Variants in CDC14B observed in about 807,000 individuals in gnomAD.
CDC14B encodes cell division cycle 14B.
In CDC14B, 22 loss-of-function variants were observed where a neutral mutation model predicts 64.2. That is an observed-to-expected ratio of 0.34 (90% CI 0.24 to 0.49). The LOEUF (loss-of-function observed/expected upper bound fraction) is 0.49, where lower values mean the gene tolerates loss of function less well. CDC14B is among the 20% of genes least tolerant of loss of function. CDC14B has a pLI of 0.99. For missense variants in CDC14B, 498 were observed against 629.9 expected (o/e 0.79, Z 2.24); for synonymous variants, 191 against 215.8 (o/e 0.89, Z 1.01).
intron 5 of CDC14B, among the ~76,000 whole-genome samples, chr9:96,551,556 G>C (rs1375889132): frequency 6.6e-6 from 1 of 152,106 alleles, no homozygotes; most frequent in Non-Finnish European, 1.5e-5. Flanking sequence ...TGGGTGTGGG[G>C]ATTTTACCAG....
rs889542872 is a variant in CDC14B at position 96,619,659 on chromosome 9, C to G, written c.-281G>C. ...CCTGCCGCGGCCGGCGCCCCCAGCC[C>G]GCCCCCAGGTGCCCGCAGCCGGCTG... On this transcript the variant is annotated 5_prime_UTR_variant, in exon 1 of 14. Coordinates refer to ENST00000375241, the MANE Select transcript of CDC14B (RefSeq NM_033331.4). 1 of 147,822 alleles carries G rather than the reference C, an allele frequency of 6.8e-6. No homozygotes were observed. Among genetic ancestry groups the G allele is most frequent in the Non-Finnish European group, 1.5e-5 (1 of 66,426 alleles). 9.2% of individuals were successfully genotyped at this position (147,822 alleles called of 1,614,324 possible).
chr9:96,619,144 C>T, intron 1 of CDC14B, 75 bp downstream of exon 1: 1 of 1,166,394 alleles, frequency 8.6e-7, no homozygotes, highest in South Asian at 4.2e-5. Flanking sequence ...CCGGGCAGCC[C>T]GGTGGGAGGT....
Position 96,562,514 on chromosome 9 carries a change from T to C in CDC14B, c.420+179A>G, listed in dbSNP as rs1450551760. On this transcript the variant is annotated intron_variant, in intron 4 of 13. Transcript: ENST00000375241. ...AGTGGAAGGTACAGGAGATCTCTCA[T>C]CTACCTGCTACTTCCACATAAGCAC... 1.3e-5 allele frequency: 8 copies of C among 598,620 alleles called. No homozygotes were observed. In the East Asian group the frequency reaches 2.2e-4, roughly 17 times the overall value. The allele number at this position is 598,620 out of a possible 1,614,324, so 37.1% of individuals were successfully genotyped here.
At chr9:96,570,323 G>A (rs1053102248) in intron 1 of CDC14B, among the ~76,000 whole-genome samples, 7 of 152,172 alleles carry the variant, frequency 4.6e-5, no homozygotes, top group African/African-American at 1.4e-4. Context: ...TACCGTATGT[G>A]CTTGTTAATA....
chr9:96,599,210 T>C (rs2118783225), intron 1 of CDC14B, among the ~76,000 whole-genome samples: 1 of 152,096 alleles, frequency 6.6e-6, no homozygotes, highest in South Asian at 2.1e-4. Flanking sequence ...CAAAACCCCA[T>C]CTCTATTAAA....
chr9:96,619,221 G>T lies in CDC14B; in HGVS notation c.158C>A (p.Thr53Asn). The change falls in exon 1 of 14, where the codon ACC (threonine) becomes AAC (asparagine). Residue 53 changes from threonine to asparagine, a missense_variant and splice_region_variant. Physicochemically the swap from Thr to Asn is moderately conservative, Grantham distance 65. Coordinates refer to ENST00000375241, the MANE Select transcript of CDC14B (RefSeq NM_033331.4). ...CGCGCGCCCACTGGCCGGCTCACCG[G>T]TGATGTCCAGGTACACGTCGTCCTG... ...DPQDDVYLDI[T>N]DRLCFAILYS... The T allele has an allele frequency of 7.6e-7, 1 of 1,319,080 alleles. No homozygotes were observed. Among genetic ancestry groups the T allele is most frequent in the Non-Finnish European group, 9.7e-7 (1 of 1,030,870 alleles). The allele number at this position is 1,319,080 out of a possible 1,614,324, so 81.7% of individuals were successfully genotyped here.
intron 1 of CDC14B, among the ~76,000 whole-genome samples, chr9:96,588,390 T>C (rs1564375103): frequency 6.6e-6 from 1 of 152,226 alleles, no homozygotes; most frequent in African/African-American, 2.4e-5. Context: ...TTGCTTATAC[T>C]TTGATGTTGA....
At chr9:96,561,539 C>T (rs1432668986) in intron 4 of CDC14B, among the ~76,000 whole-genome samples, 4 of 152,256 alleles carry the variant, frequency 2.6e-5, no homozygotes, top group African/African-American at 7.2e-5. Flanking sequence ...AGTGCAGTGG[C>T]GCGATCTCCG....
chr9:96,520,473 A>G (rs1836520378), intron 12 of CDC14B, among the ~76,000 whole-genome samples: 1 of 152,044 alleles, frequency 6.6e-6, no homozygotes, highest in African/African-American at 2.4e-5. Flanking sequence ...AGCCTCCCGC[A>G]TAGCCTGGTC....
At chr9:96,545,329 CTTT>C (rs59040963) in intron 5 of CDC14B, among the ~76,000 whole-genome samples, 21 of 132,974 alleles carry the variant, frequency 1.6e-4, no homozygotes, top group African/African-American at 4.7e-4. Flanking sequence ...TGATTATTTT[CTTT>C]TTTTTTTTTT....
chr9:96,616,287 C>G lies in CDC14B; in HGVS notation c.160+2932G>C, dbSNP rs554338585. 4.6e-5 allele frequency among the ~76,000 whole-genome samples: 7 copies of G among 151,948 alleles called. No individual in the cohort carries two copies. The South Asian group carries it at 1.5e-3, about 32-fold the overall frequency. On this transcript the variant is annotated intron_variant, in intron 1 of 13. Coordinates refer to ENST00000375241, the MANE Select transcript of CDC14B (RefSeq NM_033331.4). Reference sequence around the variant, plus strand: ...GTTGTGGTGAGCCGAGATAGCTCCACCGCACTCAACCCGGGCAACAGAGCA... The same window carrying G: ...GTTGTGGTGAGCCGAGATAGCTCCAGCGCACTCAACCCGGGCAACAGAGCA...
rs57056796 is a variant in CDC14B, at chr9:96,574,697, CAAAAAA to C, written c.161-9220_161-9215del. On this transcript the variant is annotated intron_variant, in intron 1 of 13. Coordinates refer to ENST00000375241, the MANE Select transcript of CDC14B (RefSeq NM_033331.4). Reference sequence around the variant, plus strand: ...GCAACAAGAGCGAAACTCGGTCTCACAAAAAAAAAAAAAAAAAAAAAAGATTTAATG... The same window carrying C: ...GCAACAAGAGCGAAACTCGGTCTCACAAAAAAAAAAAAAAAAGATTTAATG... Among the ~76,000 whole-genome samples the C allele has an allele frequency of 4.0e-3, 201 of 49,960 alleles. 1 individual carries two copies. The highest frequency in any genetic ancestry group is 0.016 in the African/African-American group (193 of 11,928). 32.8% of individuals were successfully genotyped at this position (49,960 alleles called of 152,430 possible).
At chr9:96,526,005 G>C (rs1451484099) in intron 9 of CDC14B, among the ~76,000 whole-genome samples, 1 of 152,104 alleles carries the variant, frequency 6.6e-6, no homozygotes, top group Non-Finnish European at 1.5e-5. Context: ...TGCAGATAAG[G>C]CCTTTACGGA....
At chr9:96,589,816 G>A (rs957310554) in intron 1 of CDC14B, among the ~76,000 whole-genome samples, 1 of 151,656 alleles carries the variant, frequency 6.6e-6, no homozygotes, top group Non-Finnish European at 1.5e-5. Flanking sequence ...AAAAAATTAG[G>A]CAGGCGTGGT....
chr9:96,493,827 A>G (rs888169343), intron 13 of CDC14B, among the ~76,000 whole-genome samples: 9 of 152,148 alleles, frequency 5.9e-5, no homozygotes, highest in African/African-American at 1.9e-4. Flanking sequence ...TTCATCTCTT[A>G]AAAAAAGTGC....
chr9:96,613,458 G>A (rs1299342589), intron 1 of CDC14B, among the ~76,000 whole-genome samples: 1 of 152,204 alleles, frequency 6.6e-6, no homozygotes, highest in Non-Finnish European at 1.5e-5. Context: ...TTCCATTCAT[G>A]TCTGTGCCCA....
chr9:96,517,595 G>C (rs991641465), intron 12 of CDC14B, among the ~76,000 whole-genome samples: 1 of 125,412 alleles, frequency 8.0e-6, no homozygotes, highest in African/African-American at 3.1e-5. Context: ...AGTGAGCCAA[G>C]ATTGCGCCAC....
intron 12 of CDC14B, chr9:96,514,265 GC>G (rs1487822275): frequency 1.2e-5 from 3 of 247,994 alleles, no homozygotes; most frequent in African/African-American, 2.3e-5. Flanking sequence ...ATTTGCAACT[GC>G]TCCACCCATT....
downstream of CDC14B, among the ~76,000 whole-genome samples, chr9:96,499,214 G>A (rs552206913): frequency 2.4e-4 from 37 of 152,322 alleles, no homozygotes; most frequent in African/African-American, 8.9e-4. Context: ...AGTCGGGAGA[G>A]GGGCGAGAAG....
Sources: allele counts gnomAD v4.1 joint callset (sites outside exome capture counted in the v4.1 genomes callset), GRCh38; gene constraint gnomAD v4.1.1; transcripts MANE v1.5; gene names NCBI Gene and HGNC (gene_info 2026-07-23, HGNC 2026-07-21).